The following UTRN variants were observed in gnomAD, a reference collection of about 807,000 sequenced individuals.
UTRN encodes utrophin, also known as dystrophin-related protein 1.
A neutral mutation model predicts 463.9 loss-of-function variants in UTRN; 283 were observed. The ratio of observed to expected loss-of-function variants is 0.61; its 90% CI spans 0.55 to 0.67. UTRN has a LOEUF of 0.67. Among genes scored for constraint, UTRN ranks in the 30% least tolerant of loss-of-function variants. UTRN has a pLI of 0.00. For synonymous variants in UTRN, 1,442 were observed against 1,431.5 expected, an observed-to-expected ratio of 1.01 and a Z score of -0.17; for missense variants, 3,922 against 4,084.3, an observed-to-expected ratio of 0.96 and a Z score of 1.08.
At chr6:144,384,817 A>C (rs1458007553) in intron 2 of UTRN, among the ~76,000 whole-genome samples, 1 of 152,198 alleles carries the variant, frequency 6.6e-6, no homozygotes, top group African/African-American at 2.4e-5. Context: ...GTTTGTGGAC[A>C]CTTGGGTTGC....
At chr6:144,445,562 C>T (rs996449412) in intron 14 of UTRN, among the ~76,000 whole-genome samples, 7 of 149,044 alleles carry the variant, frequency 4.7e-5, no homozygotes, top group Non-Finnish European at 8.8e-5. Context: ...GACTACTTCC[C>T]CCCCCGCCCT....
chr6:144,463,613 G>A (rs73599001), intron 23 of UTRN, among the ~76,000 whole-genome samples: 4,621 of 149,534 alleles, frequency 0.031, 250 homozygotes, highest in African/African-American at 0.11. Context: ...TCCTTACCTT[G>A]GTCTTTTTTT....
intron 2 of UTRN, among the ~76,000 whole-genome samples, chr6:144,359,509 G>A (rs542597018): frequency 2.6e-5 from 4 of 152,194 alleles, no homozygotes; most frequent in African/African-American, 2.4e-5. Flanking sequence ...TTTCTGATAC[G>A]CCCTTCAGAG....
At chr6:144,398,887 C>G (rs1039920703) in intron 2 of UTRN, 2 of 152,116 alleles carry the variant, frequency 1.3e-5, no homozygotes, top group Middle Eastern at 3.4e-3. Context: ...TTGTATTTAG[C>G]TTTTTACAGA....
chr6:144,541,274 TC>T (rs1398369128), intron 45 of UTRN, among the ~76,000 whole-genome samples: 1 of 152,144 alleles, frequency 6.6e-6, no homozygotes, highest in African/African-American at 2.4e-5. Flanking sequence ...CTGCTCTCTC[TC>T]CCCTACACTC....
chr6:144,591,571 A>G (rs912187448), intron 51 of UTRN, among the ~76,000 whole-genome samples: 2 of 152,184 alleles, frequency 1.3e-5, no homozygotes, highest in African/African-American at 4.8e-5. Flanking sequence ...AAACTAAACA[A>G]AGCAAAGGAA....
At chr6:144,367,443 T>C (rs969215604) in intron 2 of UTRN, among the ~76,000 whole-genome samples, 1 of 152,168 alleles carries the variant, frequency 6.6e-6, no homozygotes, top group Non-Finnish European at 1.5e-5. Context: ...ATATGTTCTT[T>C]TTATGACTTT....
chr6:144,834,781 C>G (rs1367169825), intron 69 of UTRN, among the ~76,000 whole-genome samples: 2 of 152,162 alleles, frequency 1.3e-5, no homozygotes, highest in Non-Finnish European at 2.9e-5. Context: ...ATGTTCGCAG[C>G]CCCCATCGCT....
chr6:144,838,782 C>T lies in UTRN; in HGVS notation c.10066-391C>T, dbSNP rs567778194. ...CTGAATCCATAATCATGCTTCTAAT[C>T]ACTCTCTCAATATTGCCTTGGAGTA... On this transcript the variant is annotated intron_variant, in intron 71 of 74. Coordinates refer to ENST00000367545, the MANE Select transcript of UTRN (RefSeq NM_007124.3). 7.9e-5 allele frequency among the ~76,000 whole-genome samples: 12 copies of T among 152,312 alleles called. No homozygotes were observed. The South Asian group carries it at 2.3e-3, about 29-fold the overall frequency.
chr6:144,470,289 G>A (rs575773629), intron 23 of UTRN, among the ~76,000 whole-genome samples: 47 of 151,606 alleles, frequency 3.1e-4, no homozygotes, highest in African/African-American at 9.2e-4. Flanking sequence ...GGGCAGAGGC[G>A]CCCCCCACCT....
At chr6:144,549,260 T>A (rs1300022310) in intron 47 of UTRN, among the ~76,000 whole-genome samples, 2 of 152,228 alleles carry the variant, frequency 1.3e-5, no homozygotes, top group Non-Finnish European at 2.9e-5. Context: ...ATAACTTTAC[T>A]ACTATACATG....
intron 34 of UTRN, among the ~76,000 whole-genome samples, chr6:144,508,286 GA>G (rs1375820842): frequency 1.3e-5 from 2 of 151,606 alleles, no homozygotes; most frequent in Non-Finnish European, 2.9e-5. Context: ...ACTGGGGTGT[GA>G]AAAAAAACAA....
chr6:144,347,838 T>TTTTTTTTTTG (rs1458889582), intron 2 of UTRN, among the ~76,000 whole-genome samples: 7 of 122,106 alleles, frequency 5.7e-5, no homozygotes, highest in African/African-American at 3.3e-4. Flanking sequence ...TTATTCTTTG[T>TTTTTTTTTTG]TTTTTTTTTT....
chr6:144,667,724 G>A (rs187914205), intron 51 of UTRN, among the ~76,000 whole-genome samples: 26 of 152,222 alleles, frequency 1.7e-4, no homozygotes, highest in Middle Eastern at 3.4e-3. Flanking sequence ...ACTTTTCAGC[G>A]GAACTTCCCT....
At chr6:144,539,247 C>G in intron 44 of UTRN, 47 bp from the exon 45 acceptor site, 1 of 1,503,226 alleles carries the variant, frequency 6.7e-7, no homozygotes, top group South Asian at 1.4e-5. Context: ...TTGAATTTTC[C>G]CTTATCTGAC....
intron 51 of UTRN, among the ~76,000 whole-genome samples, chr6:144,604,458 A>G (rs1804604314): frequency 6.6e-6 from 1 of 152,162 alleles, no homozygotes; most frequent in Non-Finnish European, 1.5e-5. Context: ...GACTAATATA[A>G]TTTGTTTAAA....
intron 51 of UTRN, among the ~76,000 whole-genome samples, chr6:144,623,559 CAG>C (rs1230180718): frequency 6.6e-6 from 1 of 152,168 alleles, no homozygotes; most frequent in East Asian, 1.9e-4. Flanking sequence ...TTATGGCACA[CAG>C]AATTTAGTGA....
At chr6:144,840,196 A>G (rs1433088213) in intron 72 of UTRN, among the ~76,000 whole-genome samples, 2 of 151,942 alleles carry the variant, frequency 1.3e-5, no homozygotes, top group Non-Finnish European at 2.9e-5. Flanking sequence ...AAATATATAT[A>G]TTAAAATATT....
At chr6:144,717,531 A>G (rs1786603214) in intron 53 of UTRN, among the ~76,000 whole-genome samples, 1 of 151,698 alleles carries the variant, frequency 6.6e-6, no homozygotes, top group Non-Finnish European at 1.5e-5. Flanking sequence ...ATCTAAACTG[A>G]TATGAGTCTT....
Sources: gnomAD v4.1 joint callset for allele counts (sites outside exome capture counted in the v4.1 genomes callset) on GRCh38, gnomAD v4.1.1 for gene constraint, MANE v1.5 for transcripts, NCBI Gene and HGNC (gene_info 2026-07-23, HGNC 2026-07-21) for gene names.